Variants in GRIA1 observed in about 807,000 individuals in gnomAD.
GRIA1 encodes the protein glutamate receptor 1.
In GRIA1, 31 loss-of-function variants were observed where a neutral mutation model predicts 99.2. The observed-to-expected ratio is 0.31, with a 90% CI of 0.23 to 0.42. The LOEUF is 0.42. Ranked by LOEUF, GRIA1 falls within the 10% of genes least tolerant of loss-of-function variation. The pLI, the probability that GRIA1 is intolerant of heterozygous loss-of-function variation, is 1.00. For synonymous variants in GRIA1, 438 were observed against 432.4 expected (o/e 1.01, Z -0.16); for missense variants, 782 against 1,157.5 (o/e 0.68, Z 4.71).
chr5:153,567,831 T>C (rs1561648886), intron 2 of GRIA1, among the ~76,000 whole-genome samples: 2 of 151,830 alleles, frequency 1.3e-5, no homozygotes, highest in South Asian at 2.1e-4. Flanking sequence ...AGGGAAAGAA[T>C]AGTAGGAGAT....
chr5:153,698,444 A>G (rs1019647959), intron 9 of GRIA1, among the ~76,000 whole-genome samples: 1 of 152,196 alleles, frequency 6.6e-6, no homozygotes, highest in African/African-American at 2.4e-5. Context: ...GCTGGTTTTC[A>G]TCTGTCCTCC....
At chr5:153,572,748 C>T (rs140113771) in intron 2 of GRIA1, among the ~76,000 whole-genome samples, 280 of 152,216 alleles carry the variant, frequency 1.8e-3, no homozygotes, top group African/African-American at 6.1e-3. Context: ...GACGACTACG[C>T]GGTGAAGGTG....
At chr5:153,543,925 C>T (rs994293010) in intron 2 of GRIA1, among the ~76,000 whole-genome samples, 15 of 150,680 alleles carry the variant, frequency 1.0e-4, no homozygotes, top group Non-Finnish European at 1.8e-4. Flanking sequence ...AATATATAGT[C>T]CTGTGGGAAA....
chr5:153,717,666 C>T (rs911079732), intron 11 of GRIA1, among the ~76,000 whole-genome samples: 6 of 152,148 alleles, frequency 3.9e-5, no homozygotes, highest in African/African-American at 1.4e-4. Context: ...AATGTTGGAC[C>T]ACTTCTTCAG....
chr5:153,605,643 C>G (rs1207349696), intron 2 of GRIA1, among the ~76,000 whole-genome samples: 1 of 152,188 alleles, frequency 6.6e-6, no homozygotes, highest in East Asian at 1.9e-4. Flanking sequence ...CTCTCAAACA[C>G]TTGGGATTGT....
intron 13 of GRIA1, among the ~76,000 whole-genome samples, chr5:153,793,491 A>G (rs958235104): frequency 3.9e-5 from 6 of 152,224 alleles, no homozygotes; most frequent in Admixed American, 1.3e-4. Flanking sequence ...AAGATGAGGC[A>G]TGTTATGTCC....
chr5:153,597,111 C>T (rs1232717159), intron 2 of GRIA1, among the ~76,000 whole-genome samples: 2 of 152,260 alleles, frequency 1.3e-5, no homozygotes, highest in Non-Finnish European at 2.9e-5. Context: ...GAAGGGTTCA[C>T]TCTGCGGGAG....
At chr5:153,648,920 C>A (rs978187219) in intron 3 of GRIA1, among the ~76,000 whole-genome samples, 2 of 151,522 alleles carry the variant, frequency 1.3e-5, no homozygotes, top group Admixed American at 1.3e-4. Flanking sequence ...ATGAAGGCTG[C>A]AGTTGGGATT....
At chr5:153,756,295 C>CA (rs1357325401) in intron 11 of GRIA1, among the ~76,000 whole-genome samples, 2 of 151,980 alleles carry the variant, frequency 1.3e-5, no homozygotes, top group Non-Finnish European at 1.5e-5. Flanking sequence ...GAAACTCCCC[C>CA]ACCCATGCAG....
chr5:153,731,368 T>C (rs1456449668), intron 11 of GRIA1, among the ~76,000 whole-genome samples: 1 of 152,004 alleles, frequency 6.6e-6, no homozygotes, highest in African/African-American at 2.4e-5. Flanking sequence ...ATGCTGTCTC[T>C]CTAATATACT....
intron 11 of GRIA1, among the ~76,000 whole-genome samples, chr5:153,737,542 G>A (rs1307202874): frequency 6.6e-6 from 1 of 152,040 alleles, no homozygotes; most frequent in Non-Finnish European, 1.5e-5. Flanking sequence ...TAATTTTGAG[G>A]GTGACTTTGG....
chr5:153,611,434 A>T (rs1051622172), intron 2 of GRIA1, among the ~76,000 whole-genome samples: 4 of 152,082 alleles, frequency 2.6e-5, no homozygotes, highest in African/African-American at 9.7e-5. Flanking sequence ...TTAGAACTTT[A>T]CATCTCCATG....
intron 13 of GRIA1, among the ~76,000 whole-genome samples, chr5:153,775,407 C>T (rs969446871): frequency 2.6e-5 from 4 of 152,170 alleles, no homozygotes; most frequent in African/African-American, 9.6e-5. Flanking sequence ...TACATGGAGT[C>T]TTCTTTGGTC....
chr5:153,621,617 A>C (rs1767059263), intron 2 of GRIA1, among the ~76,000 whole-genome samples: 1 of 152,176 alleles, frequency 6.6e-6, no homozygotes, highest in African/African-American at 2.4e-5. Context: ...ATCTGGGCAC[A>C]TACTTGGGCC....
intron 11 of GRIA1, among the ~76,000 whole-genome samples, chr5:153,762,649 C>G (rs1161040517): frequency 6.6e-6 from 1 of 152,144 alleles, no homozygotes; most frequent in African/African-American, 2.4e-5. Context: ...GTCCCTAACC[C>G]CATGTGAACC....
intron 8 of GRIA1, among the ~76,000 whole-genome samples, chr5:153,689,563 TACTGAAGGTGCAA>T (rs1171990111): frequency 6.6e-6 from 1 of 152,190 alleles, no homozygotes; most frequent in Non-Finnish European, 1.5e-5. Flanking sequence ...ATTGGGGTTA[TACTGAAGGTGCAA>T]CAAGTAAGAA....
intron 2 of GRIA1, among the ~76,000 whole-genome samples, chr5:153,610,555 G>T (rs892556224): frequency 6.6e-6 from 1 of 152,220 alleles, no homozygotes. Context: ...GCTACTCTAT[G>T]CAAAATAATC....
intron 11 of GRIA1, 187 bp downstream of exon 11, chr5:153,706,254 T>C (rs914915646): frequency 1.6e-6 from 1 of 628,672 alleles, no homozygotes; most frequent in African/African-American, 1.8e-5. Flanking sequence ...ATCCTGTAGC[T>C]GGGCCATCTC....
intron 5 of GRIA1, among the ~76,000 whole-genome samples, chr5:153,666,418 A>G (rs575762021): frequency 3.4e-4 from 52 of 152,274 alleles, no homozygotes; most frequent in Admixed American, 7.2e-4. Flanking sequence ...ACATTAAAGG[A>G]GCTAAGGGAA....
Sources: allele counts gnomAD v4.1 joint callset (sites outside exome capture counted in the v4.1 genomes callset), GRCh38; gene constraint gnomAD v4.1.1; transcripts MANE v1.5; gene names NCBI Gene and HGNC (gene_info 2026-07-23, HGNC 2026-07-21).